GALK2: variants seen among roughly 807,000 people sequenced by gnomAD.
GALK2 encodes galactokinase 2.
GALK2 carries 36 observed loss-of-function variants against 52.4 expected under a neutral mutation model. The observed-to-expected ratio is 0.69, with a 90% confidence interval of 0.53 to 0.91. GALK2 has a LOEUF of 0.91. Among genes scored for constraint, GALK2 ranks in the 40% least tolerant of loss-of-function variants. The pLI, the probability that GALK2 is intolerant of heterozygous loss-of-function variation, is 0.00. For synonymous variants in GALK2, 176 were observed against 199.1 expected, an observed-to-expected ratio of 0.88 and a Z score of 0.98; for missense variants, 579 against 559.1, an observed-to-expected ratio of 1.04 and a Z score of -0.36.
At chr15:49,344,411 A>G (rs1006568350) in intron 3 of GALK2, among the ~76,000 whole-genome samples, 4 of 152,220 alleles carry the variant, frequency 2.6e-5, no homozygotes, top group Non-Finnish European at 5.9e-5. Flanking sequence ...CTGAATGTAC[A>G]TACCTAAGGT....
chr15:49,366,507 T>C, intron 3 of GALK2: 4 of 1,321,526 alleles, frequency 3.0e-6, no homozygotes, highest in Admixed American at 1.7e-5. Context: ...CTAATGGAAG[T>C]TGCATTTTCT....
At chr15:49,173,458 T>G (rs893449430) in intron 1 of GALK2, among the ~76,000 whole-genome samples, 4 of 152,166 alleles carry the variant, frequency 2.6e-5, no homozygotes, top group African/African-American at 9.7e-5. Context: ...TTTGGATTAT[T>G]TAAAAGTATA....
downstream of GALK2, chr15:49,332,000 G>A: frequency 1.7e-6 from 1 of 597,590 alleles, no homozygotes. Context: ...AACTTCTGAA[G>A]TAGGTACTCC....
chr15:49,182,931 G>T (rs2086080384), intron 1 of GALK2, among the ~76,000 whole-genome samples: 1 of 151,852 alleles, frequency 6.6e-6, no homozygotes, highest in Admixed American at 6.6e-5. Flanking sequence ...CATTCTGTAG[G>T]TTGTCTCTTC....
Position 49,328,603 on chromosome 15 carries a change from TTGA to T in GALK2, c.*450_*452del, listed in dbSNP as rs758836221. The T allele has an allele frequency of 1.9e-6, 3 of 1,594,720 alleles. No homozygotes were observed. Among genetic ancestry groups the T allele is most frequent in the Non-Finnish European group, 2.6e-6 (3 of 1,167,428 alleles). On this transcript the variant is annotated 3_prime_UTR_variant, in exon 10 of 10. Coordinates refer to ENST00000560031, the MANE Select transcript of GALK2 (RefSeq NM_002044.4). ...TCTTCCTCAAAGTTGTAGTTGTCTG[TTGA>T]TGATGGTGATGATGATGATGATGAC...
chr15:49,261,995 T>A (rs2092133456), intron 5 of GALK2, among the ~76,000 whole-genome samples: 1 of 152,238 alleles, frequency 6.6e-6, no homozygotes, highest in Non-Finnish European at 1.5e-5. Context: ...GATTTTTGCA[T>A]CAATGTTCTT....
chr15:49,317,920 G>A (rs1186254483), intron 8 of GALK2, among the ~76,000 whole-genome samples: 1 of 152,122 alleles, frequency 6.6e-6, no homozygotes, highest in Non-Finnish European at 1.5e-5. Context: ...TGGGTTGGGA[G>A]CTAGGGGAGG....
rs2042700462 is a variant in GALK2, at chr15:49,354,267, T to A, written c.427-13224T>A. ...GCCAAGATGGCCGAATAGGAACAGC[T>A]CCGGTCTACAGCTCCCAGCGTGAGC... On this transcript the variant is annotated intron_variant, in intron 3 of 3. Transcript: ENST00000558399. Among the ~76,000 whole-genome samples, 5 of 152,182 alleles carry A rather than the reference T, an allele frequency of 3.3e-5. No homozygotes were observed. In the South Asian group the frequency reaches 1.0e-3, roughly 31 times the overall value.
chr15:49,340,398 GCCCCGCCCCC>G (rs2040502320), intron 3 of GALK2, among the ~76,000 whole-genome samples: 1 of 80,314 alleles, frequency 1.2e-5, no homozygotes, highest in Admixed American at 1.2e-4. Flanking sequence ...GTGAGGCAGT[GCCCCGCCCCC>G]CCCCTCCCCC....
chr15:49,299,806 C>CCTTTCTTTCTTTCTT (rs2034938376), intron 8 of GALK2, among the ~76,000 whole-genome samples: 1 of 104,512 alleles, frequency 9.6e-6, no homozygotes, highest in Non-Finnish European at 1.9e-5. Context: ...GTGCTGTAGT[C>CCTTTCTTTCTTTCTT]TGAGAGCGTG....
At chr15:49,205,245 A>G (rs963996729) in intron 2 of GALK2, among the ~76,000 whole-genome samples, 1 of 152,176 alleles carries the variant, frequency 6.6e-6, no homozygotes, top group Non-Finnish European at 1.5e-5. Flanking sequence ...GTAGATACCC[A>G]TTAGTGGGAT....
chr15:49,221,123 G>C (rs908793387), intron 3 of GALK2, among the ~76,000 whole-genome samples: 1 of 151,992 alleles, frequency 6.6e-6, no homozygotes, highest in South Asian at 2.1e-4. Context: ...TTATTTTTCT[G>C]TACTTTTGAG....
In GALK2 at chr15:49,365,078, A is replaced by G; in HGVS notation, c.427-2413A>G. 6 of 601,988 alleles carry G rather than the reference A, an allele frequency of 1.0e-5. No homozygotes were observed. In the Admixed American group the frequency reaches 1.4e-4, roughly 14 times the overall value. 37.3% of individuals were successfully genotyped at this position (601,988 alleles called of 1,614,324 possible). The stretch of plus-strand genomic sequence containing the variant: ...AAATCAATTTAAAAAGTCAAAGTCT[A>G]TTTGTAGAAAATCAATGACACATTA... On this transcript the variant is annotated intron_variant, in intron 3 of 3. Coordinates refer to the GALK2 transcript ENST00000558399.
At position 49,364,850 on chromosome 15, in the gene GALK2, G is replaced by T. The variant is rs112474567; in HGVS notation, c.427-2641G>T. On this transcript the variant is annotated intron_variant, in intron 3 of 3. Transcript: ENST00000558399. ...TAAAAAAGCATAGGGATGGGTCAAG[G>T]CATTTTTTTTTTTAAGAAAAATATA... Among the ~76,000 whole-genome samples, 981 of 151,864 alleles carry T rather than the reference G, an allele frequency of 6.5e-3. 17 individuals carry two copies. Among genetic ancestry groups the T allele is most frequent in the African/African-American group, 0.023 (944 of 41,438 alleles).
intron 2 of GALK2, among the ~76,000 whole-genome samples, chr15:49,208,144 A>G (rs564051080): frequency 1.3e-5 from 2 of 152,122 alleles, no homozygotes; most frequent in South Asian, 2.1e-4. Flanking sequence ...GTTTGTTTCA[A>G]TTTCACTTAG....
intron 3 of GALK2, among the ~76,000 whole-genome samples, chr15:49,219,140 A>T (rs1273364816): frequency 1.3e-5 from 2 of 152,080 alleles, no homozygotes; most frequent in Non-Finnish European, 2.9e-5. Flanking sequence ...TTTGCCTTTG[A>T]TATGGTTTGG....
At chr15:49,213,918 C>T (rs1487716188) in intron 2 of GALK2, among the ~76,000 whole-genome samples, 1 of 151,892 alleles carries the variant, frequency 6.6e-6, no homozygotes, top group East Asian at 1.9e-4. Context: ...GAGATCGAGA[C>T]CATCATGGCT....
At chr15:49,318,815 C>T (rs1445799250) in intron 8 of GALK2, among the ~76,000 whole-genome samples, 7 of 152,188 alleles carry the variant, frequency 4.6e-5, no homozygotes, top group Non-Finnish European at 7.3e-5. Context: ...GTTTGGCTTC[C>T]GCCACATTCT....
intron 3 of GALK2, among the ~76,000 whole-genome samples, chr15:49,226,091 G>A (rs758897057): frequency 2.0e-5 from 3 of 152,184 alleles, no homozygotes; most frequent in African/African-American, 7.2e-5. Context: ...GAAGGGGAGC[G>A]TTGGGGGATG....
Sources: allele counts gnomAD v4.1 joint callset (sites outside exome capture counted in the v4.1 genomes callset), GRCh38; gene constraint gnomAD v4.1.1; transcripts MANE v1.5; gene names NCBI Gene and HGNC (gene_info 2026-07-23, HGNC 2026-07-21).